Variants in FER1L5 observed in about 807,000 individuals in gnomAD.
FER1L5 encodes fer-1-like protein 5.
Under a neutral mutation model 279.9 loss-of-function variants are expected in FER1L5, and 187 were observed. The observed-to-expected ratio is 0.67, with a 90% CI of 0.59 to 0.75. The LOEUF is 0.75. FER1L5 is among the 30% of genes least tolerant of loss of function. FER1L5 has a pLI of 0.00. For missense variants in FER1L5, 2,091 were observed against 2,594.4 expected (o/e 0.81, Z 4.21); for synonymous variants, 921 against 989.7 (o/e 0.93, Z 1.30).
chr2:96,688,000 A>G (rs2076996632), intron 24 of FER1L5, 53 bp downstream of exon 24: 1 of 1,543,758 alleles, frequency 6.5e-7, no homozygotes, highest in Admixed American at 2.0e-5. Context: ...GGGTGGGGGT[A>G]GGGTGGCCTC....
Position 96,702,689 on chromosome 2 carries a change from T to C in FER1L5, c.5345T>C (p.Ile1782Thr). ...GAGGCCGACTTCAACTGGCGGTTCA[T>C]CTTTACCATGGACTACCTGGCGGCG... is the stretch of plus-strand genomic sequence containing the variant. ...TGEADFNWRF[I>T]FTMDYLAAER... The change falls in exon 48 of 53, where the codon ATC becomes ACC. Residue 1782 changes from isoleucine (I) to threonine (T), a missense_variant. Transcript: ENST00000624922. This position sits in a 1 kb window ranked among gnomAD's most constrained non-coding sequence, Gnocchi z 4.0. 1 of 1,613,008 alleles carries C rather than the reference T, an allele frequency of 6.2e-7. No homozygotes were observed. The highest frequency in any genetic ancestry group is 8.5e-7 in the Non-Finnish European group (1 of 1,179,526).
At chr2:96,646,971 TG>T in intron 2 of FER1L5, 92 bp from the exon 3 acceptor site, 4 of 1,304,908 alleles carry the variant, frequency 3.1e-6, no homozygotes, top group Non-Finnish European at 4.2e-6. Context: ...AGAAATGCAG[TG>T]CCAGCCCGTT....
At chr2:96,672,127 G>A (rs907332349) in intron 18 of FER1L5, among the ~76,000 whole-genome samples, 1 of 152,176 alleles carries the variant, frequency 6.6e-6, no homozygotes, top group Non-Finnish European at 1.5e-5. Flanking sequence ...TGCCCAGGCT[G>A]GAGTGCAATG....
At chr2:96,687,682 C>T (rs2076981316) in intron 23 of FER1L5, 134 bp from the exon 24 acceptor site, 4 of 1,353,372 alleles carry the variant, frequency 3.0e-6, no homozygotes, top group South Asian at 2.9e-5. Context: ...CTTACAGCTC[C>T]AGCACTCAGC....
intron 51 of FER1L5, among the ~76,000 whole-genome samples, chr2:96,703,911 G>A (rs1401918154): frequency 1.3e-5 from 2 of 150,324 alleles, no homozygotes; most frequent in Non-Finnish European, 2.9e-5. Context: ...TGCCTCCTGG[G>A]TTCAAGCGAT....
rs983193264 is a variant in FER1L5, at chr2:96,685,322, T to C, written c.1795-7T>C. The C allele has an allele frequency of 6.4e-7, 1 of 1,551,364 alleles. No individual in the cohort carries two copies. The highest frequency in any genetic ancestry group is 2.4e-5 in the East Asian group (1 of 40,916). On this transcript the variant is annotated splice_polypyrimidine_tract_variant and splice_region_variant and intron_variant, in intron 20 of 52. Coordinates refer to ENST00000624922, the MANE Select transcript of FER1L5 (RefSeq NM_001293083.2). ...GGCTCTCTCACCATTTCTCTCCTGC[T>C]GGGCAGAAAGCCAACCTGGACACCC...
chr2:96,685,078 C>G (rs1028262883), intron 20 of FER1L5, among the ~76,000 whole-genome samples: 1 of 152,012 alleles, frequency 6.6e-6, no homozygotes, highest in Non-Finnish European at 1.5e-5. Context: ...GAGGTCAGGG[C>G]TCTGCACTGC....
At chr2:96,700,510 G>A (rs2077552211) in intron 45 of FER1L5, 39 bp downstream of exon 45, 1 of 1,609,770 alleles carries the variant, frequency 6.2e-7, no homozygotes, top group Middle Eastern at 1.7e-4. Context: ...TCCTACAGGA[G>A]GAGCTAGATC....
chr2:96,689,359 A>T lies in FER1L5; in HGVS notation c.2508A>T (p.Thr836=). 1 of 1,550,090 alleles carries T rather than the reference A, an allele frequency of 6.5e-7. No homozygotes were observed. Among genetic ancestry groups the T allele is most frequent in the Non-Finnish European group, 8.7e-7 (1 of 1,146,646 alleles). ...GATGGCACTGGCAGGACAGCTGGAC[A>T]GTGGAACCTCAGAGAAGGTAAGGCC... The part of the protein sequence containing the change: ...PLGWHWQDSW[T]VEPQRRLLLD... Residue 836 remains threonine (T), a synonymous_variant, in exon 25 of 53, where the codon ACA becomes ACT. Coordinates refer to ENST00000624922, the MANE Select transcript of FER1L5 (RefSeq NM_001293083.2). The surrounding 1 kb of genome is among the most constrained non-coding windows in gnomAD (Gnocchi z 4.6).
Position 96,684,269 on chromosome 2 carries a change from A to G in FER1L5, c.1670-58A>G, listed in dbSNP as rs548392488. On this transcript the variant is annotated intron_variant, in intron 19 of 52. Transcript: ENST00000624922. ...AGGTCCTCGGAGGGAGCACAGTGAG[A>G]AGAGACCTCCCAGAATCCCCCAGAC... 22 of 1,531,714 alleles carry G rather than the reference A, an allele frequency of 1.4e-5. No homozygotes were observed. The African/African-American group carries it at 3.0e-4, about 21-fold the overall frequency. 94.9% of individuals were successfully genotyped at this position (1,531,714 alleles called of 1,614,324 possible).
rs146966531 is a variant in FER1L5 at position 96,676,578 on chromosome 2, C to G, written c.1669+3324C>G. On this transcript the variant is annotated intron_variant, in intron 19 of 52. Transcript: ENST00000624922. ...TATTTTAGCATAAGCTCAACAATTTCTACAAAAAAGGCCACTGGAATTTCC... is the reference window on the plus strand; with the variant it reads ...TATTTTAGCATAAGCTCAACAATTTGTACAAAAAAGGCCACTGGAATTTCC... Among the ~76,000 whole-genome samples the G allele has an allele frequency of 2.1e-4, 31 of 149,636 alleles. No homozygotes were observed. The East Asian group carries it at 4.7e-3, about 23-fold the overall frequency.
chr2:96,689,871 T>C lies in FER1L5; in HGVS notation c.2640+113T>C, dbSNP rs951561140. On this transcript the variant is annotated intron_variant, in intron 26 of 52. Coordinates refer to ENST00000624922, the MANE Select transcript of FER1L5 (RefSeq NM_001293083.2). The surrounding 1 kb of genome is among the most constrained non-coding windows in gnomAD (Gnocchi z 4.6). ...GGTCTGAGCCCTATGCCCTGCACTATGTGTGGGGCCCCGGGTGAGCGCACC... is the reference window on the plus strand; with the variant it reads ...GGTCTGAGCCCTATGCCCTGCACTACGTGTGGGGCCCCGGGTGAGCGCACC... The C allele has an allele frequency of 5.2e-5, 47 of 912,246 alleles. No individual in the cohort carries two copies. The highest frequency in any genetic ancestry group is 3.5e-4 in the Middle Eastern group (1 of 2,892). The allele number at this position is 912,246 out of a possible 1,614,324, so 56.5% of individuals were successfully genotyped here. A position where few individuals can be genotyped will look rare whatever the true frequency, so the allele number is the denominator to read the frequency against.
In FER1L5 at chr2:96,674,613, T is replaced by C. The variant is rs117051003; in HGVS notation, c.1669+1359T>C. Among the ~76,000 whole-genome samples the C allele has an allele frequency of 1.3e-3, 197 of 152,284 alleles. 5 individuals are homozygous for C. In the East Asian group the frequency reaches 0.036, roughly 28 times the overall value. On this transcript the variant is annotated intron_variant, in intron 19 of 52. Transcript: ENST00000624922. ...TGGTTCTTTGTCAATGGCTTTCACT[T>C]AGCATGTCTACTTGATTTTAGTATT...
Position 96,689,049 on chromosome 2 carries a change from C to A in FER1L5, c.2362-164C>A. 1.3e-6 allele frequency: 1 copy of A among 764,932 alleles called. No homozygotes were observed. The highest frequency in any genetic ancestry group is 2.1e-6 in the Non-Finnish European group (1 of 486,842). The allele number at this position is 764,932 out of a possible 1,614,324, so 47.4% of individuals were successfully genotyped here. On this transcript the variant is annotated intron_variant, in intron 24 of 52. Transcript: ENST00000624922. This position sits in a 1 kb window ranked among gnomAD's most constrained non-coding sequence, Gnocchi z 4.6. ...ATCCAGGGCAGGGTTGACCTCTGGG[C>A]CTCAGTGCCCTCACCTGTGCAATGG... is the stretch of plus-strand genomic sequence containing the variant.
rs1334782220 is a variant in FER1L5 at position 96,699,617 on chromosome 2, C to T, written c.4678C>T (p.Leu1560=). Reference sequence around the variant, plus strand: ...AGAGATCCAGCTCTATGACTTCGACCTATTTTCACCTGATGATAAGATAGG... The same window carrying T: ...AGAGATCCAGCTCTATGACTTCGACTTATTTTCACCTGATGATAAGATAGG... The part of the protein sequence containing the change: ...DLEIQLYDFD[L]FSPDDKIGTT... Residue 1560 remains leucine (L), a synonymous_variant, in exon 43 of 53, where the codon CTA becomes TTA. Coordinates refer to ENST00000624922, the MANE Select transcript of FER1L5 (RefSeq NM_001293083.2). The T allele has an allele frequency of 3.1e-6, 5 of 1,614,028 alleles. No homozygotes were observed. The highest frequency in any genetic ancestry group is 3.4e-6 in the Non-Finnish European group (4 of 1,179,906).
rs368239269 is a variant in FER1L5, at chr2:96,691,709, C to T, written c.3075+97C>T. On this transcript the variant is annotated intron_variant, in intron 29 of 52. Transcript: ENST00000624922. This position sits in a 1 kb window ranked among gnomAD's most constrained non-coding sequence, Gnocchi z 6.0. ...TGGGGCGCTGACTGCGGAGGAAGGGCCTCTGTTCCTCAGGCTTGCGAGGGT... is the reference window on the plus strand; with the variant it reads ...TGGGGCGCTGACTGCGGAGGAAGGGTCTCTGTTCCTCAGGCTTGCGAGGGT... The T allele has an allele frequency of 1.3e-6, 2 of 1,545,952 alleles. No individual in the cohort carries two copies. The highest frequency in any genetic ancestry group is 4.0e-5 in the Admixed American group (2 of 50,562).
Position 96,670,115 on chromosome 2 carries a change from C to A in FER1L5, c.1363-4C>A, listed in dbSNP as rs2076269583. The A allele has an allele frequency of 6.4e-7, 1 of 1,551,462 alleles. No homozygotes were observed. The highest frequency in any genetic ancestry group is 1.2e-5 in the South Asian group (1 of 84,056). On this transcript the variant is annotated splice_region_variant and splice_polypyrimidine_tract_variant and intron_variant, in intron 17 of 52. Transcript: ENST00000624922. ...TTTCTCCGTTTTCCTCTCGCTTGCCCTAGTGTATTCCCGACTCTGTTAGGG... is the reference window on the plus strand; with the variant it reads ...TTTCTCCGTTTTCCTCTCGCTTGCCATAGTGTATTCCCGACTCTGTTAGGG...
rs373913983 is a variant in FER1L5 at position 96,699,523 on chromosome 2, C to T, written c.4611-27C>T. The T allele has an allele frequency of 1.6e-3, 2,630 of 1,603,120 alleles. 3 individuals carry two copies. The highest frequency in any genetic ancestry group is 1.9e-3 in the Non-Finnish European group (2,283 of 1,172,624). On this transcript the variant is annotated intron_variant, in intron 42 of 52. Coordinates refer to ENST00000624922, the MANE Select transcript of FER1L5 (RefSeq NM_001293083.2). ...GGCACAGAGACATTGCCCACATCCTCTGCAGTCTCCAACACCTCACCCCTA... is the reference window on the plus strand; with the variant it reads ...GGCACAGAGACATTGCCCACATCCTTTGCAGTCTCCAACACCTCACCCCTA...
At chr2:96,650,132 C>T in intron 5 of FER1L5, 48 bp from the exon 6 acceptor site, 1 of 1,438,560 alleles carries the variant, frequency 7.0e-7, no homozygotes, top group Non-Finnish European at 9.6e-7. Context: ...TACCTCAAAC[C>T]TCCTGGGCCC....
Sources: gnomAD v4.1 joint callset for allele counts (sites outside exome capture counted in the v4.1 genomes callset) on GRCh38, gnomAD v4.1.1 for gene constraint, Gnocchi (gnomAD v3.1) non-coding constraint, MANE v1.5 for transcripts, NCBI Gene and HGNC (gene_info 2026-07-23, HGNC 2026-07-21) for gene names.